Variants in TSPEAR observed in about 807,000 individuals in gnomAD.
TSPEAR encodes thrombospondin-type laminin G domain and EAR repeat-containing protein.
A neutral mutation model predicts 71.6 loss-of-function variants in TSPEAR; 69 were observed. The observed-to-expected ratio is 0.96, with a 90% confidence interval of 0.79 to 1.18. The LOEUF (loss-of-function observed/expected upper bound fraction) is 1.18, where lower values mean the gene tolerates loss of function less well. TSPEAR is among the 50% of genes most tolerant of loss of function. The probability of loss-of-function intolerance (pLI) is 0.00; values close to 1 mark genes in which losing one functional copy is unlikely to be tolerated. For missense variants in TSPEAR, 971 were observed against 894.9 expected (o/e 1.09, Z -1.09); for synonymous variants, 402 against 387.2 (o/e 1.04, Z -0.45).
At chr21:44,620,479 C>T (rs1555933329) in intron 1 of TSPEAR, among the ~76,000 whole-genome samples, 4 of 152,116 alleles carry the variant, frequency 2.6e-5, no homozygotes, top group African/African-American at 9.7e-5. Flanking sequence ...CATAGTATTC[C>T]TTTATAATTA....
rs1569162071 is a variant in TSPEAR, at chr21:44,522,041, T to G, written c.1408A>C (p.Thr470Pro). ...PATRLFEANQTIATSGAYDWE... is the reference protein window; with the variant it reads ...PATRLFEANQPIATSGAYDWE... ...TCGTAGGCGCCGGAGGTGGCGATGG[T>G]CTGGTTGGCCTCGAAGAGCCGGGTT... The change falls in exon 9 of 12, where the codon ACC (threonine) becomes CCC (proline). Residue 470 changes from threonine to proline, a missense_variant. Coordinates refer to ENST00000323084, the MANE Select transcript of TSPEAR (RefSeq NM_144991.3). 2 of 1,614,070 alleles carry G rather than the reference T, an allele frequency of 1.2e-6. No individual in the cohort carries two copies. Among genetic ancestry groups the G allele is most frequent in the Non-Finnish European group, 1.7e-6 (2 of 1,179,984 alleles).
chr21:44,665,373 G>A (rs1985697246), intron 1 of TSPEAR, among the ~76,000 whole-genome samples: 1 of 152,196 alleles, frequency 6.6e-6, no homozygotes, highest in Non-Finnish European at 1.5e-5. Context: ...ATCTACTGGG[G>A]AACGTTTAAC....
At chr21:44,522,314 G>A (rs2052751789) in intron 8 of TSPEAR, among the ~76,000 whole-genome samples, 1 of 152,204 alleles carries the variant, frequency 6.6e-6, no homozygotes, top group Non-Finnish European at 1.5e-5. Context: ...GCCATCACAG[G>A]TGCTATTCCC....
At chr21:44,551,031 G>A in intron 2 of TSPEAR, 15 of 1,611,942 alleles carry the variant, frequency 9.3e-6, no homozygotes, top group South Asian at 3.3e-5. Context: ...GCAGCAGACA[G>A]GCACACGGCA....
intron 1 of TSPEAR, among the ~76,000 whole-genome samples, chr21:44,705,529 G>C (rs1987867679): frequency 6.6e-6 from 1 of 152,244 alleles, no homozygotes; most frequent in Admixed American, 6.5e-5. Context: ...GGATATCCCT[G>C]AGAAAGAGAA....
At chr21:44,637,304 AAC>A (rs1326864926) in intron 1 of TSPEAR, 146 of 1,410,744 alleles carry the variant, frequency 1.0e-4, no homozygotes, top group Admixed American at 7.4e-4. Flanking sequence ...CTGCTGGGAA[AAC>A]ACAGGCCCTG....
At chr21:44,561,989 G>A (rs1398384117) in intron 2 of TSPEAR, among the ~76,000 whole-genome samples, 4 of 152,082 alleles carry the variant, frequency 2.6e-5, no homozygotes, top group Admixed American at 1.3e-4. Flanking sequence ...AGGGCAATCA[G>A]GCAATAGAAA....
intron 1 of TSPEAR, among the ~76,000 whole-genome samples, chr21:44,657,653 G>A (rs911741808): frequency 3.3e-5 from 5 of 152,132 alleles, no homozygotes; most frequent in Non-Finnish European, 7.3e-5. Flanking sequence ...AACGGGATTC[G>A]GTACTTTGAG....
intron 10 of TSPEAR, among the ~76,000 whole-genome samples, chr21:44,505,876 C>CT (rs1555911859): frequency 6.6e-6 from 1 of 152,060 alleles, no homozygotes; most frequent in Non-Finnish European, 1.5e-5. Flanking sequence ...CACCGGGGTA[C>CT]AAAAGTCCAC....
chr21:44,628,763 G>T (rs1375168734), intron 1 of TSPEAR, among the ~76,000 whole-genome samples: 2 of 152,324 alleles, frequency 1.3e-5, no homozygotes, highest in Non-Finnish European at 1.5e-5. Context: ...GGAGACTTGG[G>T]CTCCAGCTGT....
intron 5 of TSPEAR, 58 bp downstream of exon 5, chr21:44,529,740 T>A (rs2052928208): frequency 2.5e-6 from 4 of 1,598,742 alleles, no homozygotes; most frequent in Non-Finnish European, 3.4e-6. Flanking sequence ...CCGCCTGGTG[T>A]GAGGCCAGGG....
At chr21:44,513,866 C>T (rs1169121140) in intron 9 of TSPEAR, among the ~76,000 whole-genome samples, 1 of 152,144 alleles carries the variant, frequency 6.6e-6, no homozygotes, top group Admixed American at 6.5e-5. Context: ...GTGGCATCCT[C>T]TCTGAGGGTA....
chr21:44,705,441 C>G (rs371923453), intron 1 of TSPEAR, among the ~76,000 whole-genome samples: 2 of 152,210 alleles, frequency 1.3e-5, no homozygotes, highest in Admixed American at 1.3e-4. Flanking sequence ...CGCCGGTGAG[C>G]CAGGAAGAAC....
intron 1 of TSPEAR, among the ~76,000 whole-genome samples, chr21:44,654,818 C>G (rs1985040313): frequency 6.7e-6 from 1 of 149,736 alleles, no homozygotes; most frequent in Non-Finnish European, 1.5e-5. Context: ...GAAACTCTTT[C>G]AGCTAGGGGT....
At chr21:44,521,006 C>G (rs781922708) in intron 9 of TSPEAR, among the ~76,000 whole-genome samples, 1 of 152,196 alleles carries the variant, frequency 6.6e-6, no homozygotes, top group South Asian at 2.1e-4. Context: ...CAAGAGTGGC[C>G]TGGGTTAGTC....
At chr21:44,507,139 T>C (rs2052221477) in intron 10 of TSPEAR, 7 of 151,850 alleles carry the variant, frequency 4.6e-5, no homozygotes, top group Admixed American at 4.6e-4. Context: ...TTCTGTGCAG[T>C]GTCCAGAACG....
At chr21:44,524,348 G>C (rs1278792858) in intron 8 of TSPEAR, among the ~76,000 whole-genome samples, 3 of 151,796 alleles carry the variant, frequency 2.0e-5, no homozygotes, top group Non-Finnish European at 4.4e-5. Context: ...GTCAGTTAAT[G>C]AGTTAGCCAG....
chr21:44,559,482 G>A (rs1201695290), intron 2 of TSPEAR, among the ~76,000 whole-genome samples: 1 of 152,160 alleles, frequency 6.6e-6, no homozygotes, highest in Non-Finnish European at 1.5e-5. Flanking sequence ...TTCCCCCGGT[G>A]GTGTGCACAA....
At position 44,551,426 on chromosome 21, in the gene TSPEAR, G is replaced by C. The variant is rs180855850; in HGVS notation, c.303+16359C>G. ...CCACCTGCCAGGAGTTGGTGCAGGC[G>C]CTGGAGCAGATGGACATGGTGGAGG... On this transcript the variant is annotated intron_variant, in intron 2 of 11. Coordinates refer to ENST00000323084, the MANE Select transcript of TSPEAR (RefSeq NM_144991.3). The C allele has an allele frequency of 1.6e-3, 2,545 of 1,613,042 alleles. 5 individuals carry two copies. The highest frequency in any genetic ancestry group is 1.7e-3 in the Non-Finnish European group (2,036 of 1,179,760).
Sources: gnomAD v4.1 joint callset for allele counts (sites outside exome capture counted in the v4.1 genomes callset) on GRCh38, gnomAD v4.1.1 for gene constraint, MANE v1.5 for transcripts, NCBI Gene and HGNC (gene_info 2026-07-23, HGNC 2026-07-21) for gene names.